The following XKR4 variants were observed in gnomAD, a reference collection of about 807,000 sequenced individuals.
The protein encoded by XKR4 is XK-related protein 4.
In XKR4, 12 loss-of-function variants were observed where a neutral mutation model predicts 53.9. That is an observed-to-expected ratio of 0.22 (90% CI 0.14 to 0.36). The LOEUF is 0.36. Ranked by LOEUF, XKR4 falls within the 10% of genes least tolerant of loss-of-function variation. The probability of loss-of-function intolerance (pLI) is 1.00; values close to 1 mark genes in which losing one functional copy is unlikely to be tolerated. For missense variants in XKR4, 799 were observed against 859.5 expected (o/e 0.93, Z 0.88); for synonymous variants, 354 against 362.4 (o/e 0.98, Z 0.26).
intron 2 of XKR4, among the ~76,000 whole-genome samples, chr8:55,401,041 C>T (rs1425608801): frequency 6.6e-6 from 1 of 152,218 alleles, no homozygotes; most frequent in Non-Finnish European, 1.5e-5. Flanking sequence ...CTTGTGGATG[C>T]TGTACCTGAC....
chr8:55,132,991 A>G (rs1554561993), intron 1 of XKR4, among the ~76,000 whole-genome samples: 3 of 152,148 alleles, frequency 2.0e-5, no homozygotes, highest in Non-Finnish European at 4.4e-5. Flanking sequence ...CCAGTGGGTG[A>G]CAAGTGACTA....
chr8:55,332,167 A>G (rs964185933), intron 1 of XKR4, among the ~76,000 whole-genome samples: 1 of 152,122 alleles, frequency 6.6e-6, no homozygotes, highest in South Asian at 2.1e-4. Context: ...AGTTATAACA[A>G]AACTTTAATT....
intron 1 of XKR4, among the ~76,000 whole-genome samples, chr8:55,268,340 T>C (rs910128561): frequency 6.6e-6 from 1 of 152,184 alleles, no homozygotes; most frequent in African/African-American, 2.4e-5. Flanking sequence ...CAGAATTTAT[T>C]TCTATCTTAA....
chr8:55,485,243 G>T (rs1806175025), intron 2 of XKR4, among the ~76,000 whole-genome samples: 1 of 152,046 alleles, frequency 6.6e-6, no homozygotes, highest in Non-Finnish European at 1.5e-5. Context: ...ACATACTACT[G>T]GAAGTTCTAG....
chr8:55,379,723 C>T (rs1194997391), intron 2 of XKR4, among the ~76,000 whole-genome samples: 1 of 152,174 alleles, frequency 6.6e-6, no homozygotes, highest in African/African-American at 2.4e-5. Flanking sequence ...AATCAGGATG[C>T]ACTTTGTTTG....
At position 55,420,827 on chromosome 8, in the gene XKR4, A is replaced by T. The variant is rs983213400; in HGVS notation, c.1006+62950A>T. On this transcript the variant is annotated intron_variant, in intron 2 of 2. Coordinates refer to ENST00000327381, the MANE Select transcript of XKR4 (RefSeq NM_052898.2). ...ATAAATAAATAAATAAATAAATAAA[A>T]AAGAAAGATCCTTTGGCTGTTGTTG... 2.6e-5 allele frequency among the ~76,000 whole-genome samples: 4 copies of T among 151,186 alleles called. No homozygotes were observed. In the East Asian group the frequency reaches 5.8e-4, roughly 22 times the overall value.
Position 55,322,103 on chromosome 8 carries a change from AT to A in XKR4, c.807-35571del, listed in dbSNP as rs1803225152. On this transcript the variant is annotated intron_variant, in intron 1 of 2. Transcript: ENST00000327381. ...TCCTCAGTGATAACCACTATTCTAA[AT>A]TTTGTGTTCTTTATTCTTACACCAT... 2.0e-5 allele frequency among the ~76,000 whole-genome samples: 3 copies of A among 152,256 alleles called. No individual in the cohort carries two copies. The South Asian group carries it at 6.2e-4, about 32-fold the overall frequency.
intron 1 of XKR4, among the ~76,000 whole-genome samples, chr8:55,131,158 C>T (rs1416393131): frequency 3.4e-5 from 2 of 59,334 alleles, no homozygotes; most frequent in Non-Finnish European, 8.2e-5. Context: ...AAATGGCTGT[C>T]TCAAAAACAA....
Position 55,523,741 on chromosome 8 carries a change from T to C in XKR4, c.1467T>C (p.Ile489=). The change falls in exon 3 of 3, where the codon ATT becomes ATC. Residue 489 remains isoleucine (I), a synonymous_variant. Transcript: ENST00000327381. ...KAPQIADAFA[I]PALCVVFSSF... is the part of the protein sequence containing the mutation. ...CCCAGATTGCAGACGCATTTGCCAT[T>C]CCAGCGCTGTGTGTGGTGTTCAGCA... is the stretch of plus-strand genomic sequence containing the variant. The C allele has an allele frequency of 6.2e-7, 1 of 1,614,198 alleles. No individual in the cohort carries two copies. Among genetic ancestry groups the C allele is most frequent in the Non-Finnish European group, 8.5e-7 (1 of 1,180,034 alleles).
At chr8:55,490,940 C>CA (rs760790512) in intron 2 of XKR4, among the ~76,000 whole-genome samples, 56 of 148,364 alleles carry the variant, frequency 3.8e-4, no homozygotes, top group Non-Finnish European at 7.1e-4. Flanking sequence ...GCCCCCCCCC[C>CA]ACCTTTATGA....
At chr8:55,447,642 A>G (rs529565094) in intron 2 of XKR4, among the ~76,000 whole-genome samples, 20 of 152,376 alleles carry the variant, frequency 1.3e-4, no homozygotes, top group South Asian at 6.2e-4. Flanking sequence ...TATAATAGAC[A>G]GCCCTGTAGT....
In XKR4 at chr8:55,463,186, T is replaced by C. The variant is rs538896304; in HGVS notation, c.1007-60095T>C. ...ACAGAATATACATTCTTTTCAGCAC[T>C]ACACCACACCTATTCCAAAATTGAC... On this transcript the variant is annotated intron_variant, in intron 2 of 2. Transcript: ENST00000327381. Among the ~76,000 whole-genome samples, 221 of 152,054 alleles carry C rather than the reference T, an allele frequency of 1.5e-3. 1 individual carries two copies. The highest frequency in any genetic ancestry group is 2.0e-3 in the Non-Finnish European group (133 of 67,956).
chr8:55,253,350 AT>A (rs1382800020), intron 1 of XKR4, among the ~76,000 whole-genome samples: 1 of 152,174 alleles, frequency 6.6e-6, no homozygotes, highest in Non-Finnish European at 1.5e-5. Flanking sequence ...AAGACGATGG[AT>A]TTAATACCAT....
chr8:55,504,637 T>C (rs941602248), intron 2 of XKR4, among the ~76,000 whole-genome samples: 1 of 152,154 alleles, frequency 6.6e-6, no homozygotes, highest in Admixed American at 6.5e-5. Flanking sequence ...TTATGGTAAT[T>C]CCTCTTTAAA....
intron 1 of XKR4, among the ~76,000 whole-genome samples, chr8:55,135,939 G>A (rs1816622761): frequency 6.6e-6 from 1 of 151,182 alleles, no homozygotes; most frequent in Admixed American, 6.6e-5. Context: ...CTGTCCCCAG[G>A]CTGGAGTGCA....
Position 55,536,049 on chromosome 8 carries a change from T to C in XKR4, c.*11822T>C, listed in dbSNP as rs1390812575. The C allele has an allele frequency of 1.3e-5, 2 of 152,202 alleles. No individual in the cohort carries two copies. Among genetic ancestry groups the C allele is most frequent in the African/African-American group, 4.8e-5 (2 of 41,466 alleles). The allele number at this position is 152,202 out of a possible 1,614,324, so 9.4% of individuals were successfully genotyped here. A position where few individuals can be genotyped will look rare whatever the true frequency, so the allele number is the denominator to read the frequency against. On this transcript the variant is annotated 3_prime_UTR_variant, in exon 3 of 3. Transcript: ENST00000327381. ...TTCAGGGTTACCATGGCCTTACTCA[T>C]CTTCCCATTGTAAATATATCACAAT...
At chr8:55,154,645 A>C (rs1424354609) in intron 1 of XKR4, among the ~76,000 whole-genome samples, 2 of 152,176 alleles carry the variant, frequency 1.3e-5, no homozygotes, top group East Asian at 3.9e-4. Flanking sequence ...GGTACTGGGC[A>C]AAATCCTCTG....
chr8:55,338,523 C>G (rs143587404), intron 1 of XKR4, among the ~76,000 whole-genome samples: 1 of 152,326 alleles, frequency 6.6e-6, no homozygotes, highest in East Asian at 1.9e-4. Flanking sequence ...TCCCATCCTT[C>G]CTGGTCAAGG....
At chr8:55,346,289 T>C (rs1001431692) in intron 1 of XKR4, among the ~76,000 whole-genome samples, 4 of 152,142 alleles carry the variant, frequency 2.6e-5, no homozygotes, top group Non-Finnish European at 5.9e-5. Flanking sequence ...CTTCACCATG[T>C]TGGCCAGGAT....
Sources: allele counts gnomAD v4.1 joint callset (sites outside exome capture counted in the v4.1 genomes callset), GRCh38; gene constraint gnomAD v4.1.1; transcripts MANE v1.5; gene names NCBI Gene and HGNC (gene_info 2026-07-23, HGNC 2026-07-21).